NRDC: variants seen among roughly 807,000 people sequenced by gnomAD.
The protein encoded by NRDC is nardilysin.
In NRDC, 54 loss-of-function variants were observed where a neutral mutation model predicts 147.1. The ratio of observed to expected loss-of-function variants is 0.37; its 90% confidence interval spans 0.29 to 0.46. The LOEUF (loss-of-function observed/expected upper bound fraction) is 0.46. Ranked by LOEUF, NRDC falls within the 20% of genes least tolerant of loss-of-function variation. NRDC has a pLI of 1.00. For synonymous variants in NRDC, 440 were observed against 482.1 expected, an observed-to-expected ratio of 0.91 and a Z score of 1.14; for missense variants, 1,082 against 1,370.6, an observed-to-expected ratio of 0.79 and a Z score of 3.33.
At chr1:51,836,347 G>GGA in intron 2 of NRDC, 135 bp from the exon 3 acceptor site, 1 of 1,609,790 alleles carries the variant, frequency 6.2e-7, no homozygotes, top group Non-Finnish European at 8.5e-7. Context: ...AGAATCAGGA[G>GGA]GAGCAGCAAA....
chr1:51,789,623 A>G lies in NRDC; in HGVS notation c.3203T>C (p.Leu1068Pro). 1 of 1,613,988 alleles carries G rather than the reference A, an allele frequency of 6.2e-7. No individual in the cohort carries two copies. Among genetic ancestry groups the G allele is most frequent in the Non-Finnish European group, 8.5e-7 (1 of 1,179,854 alleles). ...TCTATGGGCCTTGAACCAGTTGACC[A>G]GGTCTGATTTTGAGAATGACTTCAG... ...EALKSFSKSD[L>P]VNWFKAHRGP... is the part of the protein sequence containing the mutation. The change falls in exon 30 of 31, where the codon CTG (leucine) becomes CCG (proline). Residue 1068 changes from leucine (L) to proline (P), a missense_variant. Leu to Pro is a moderately conservative substitution (Grantham distance 98). This residue lies in a region of NRDC where 187 missense variants were observed against 193.6 expected (regional missense o/e 0.97). Transcript: ENST00000352171.
intron 9 of NRDC, among the ~76,000 whole-genome samples, chr1:51,818,727 A>G (rs1680080808): frequency 6.6e-6 from 1 of 152,168 alleles, no homozygotes; most frequent in Non-Finnish European, 1.5e-5. Flanking sequence ...GGGAAAGCAA[A>G]AGAGACTGGT....
chr1:51,834,700 A>G (rs898029588), intron 3 of NRDC, among the ~76,000 whole-genome samples: 2 of 152,164 alleles, frequency 1.3e-5, no homozygotes, highest in African/African-American at 2.4e-5. Context: ...AAAAAATTTC[A>G]TCTTTAAAGA....
chr1:51,853,183 A>G (rs1180896292), intron 1 of NRDC, among the ~76,000 whole-genome samples: 1 of 151,538 alleles, frequency 6.6e-6, no homozygotes, highest in Non-Finnish European at 1.5e-5. Flanking sequence ...AAGACATGGC[A>G]CTCCAGCCTG....
chr1:51,807,907 G>A (rs1436824575), intron 17 of NRDC, among the ~76,000 whole-genome samples: 2 of 150,782 alleles, frequency 1.3e-5, no homozygotes, highest in African/African-American at 4.9e-5. Flanking sequence ...CTGGGTTCAA[G>A]TGATTCTCCT....
intron 21 of NRDC, among the ~76,000 whole-genome samples, chr1:51,799,695 C>T (rs952423213): frequency 2.0e-5 from 3 of 152,156 alleles, no homozygotes; most frequent in Non-Finnish European, 4.4e-5. Flanking sequence ...CAGAAGGATA[C>T]TTTTTTCTGA....
intron 1 of NRDC, among the ~76,000 whole-genome samples, chr1:51,864,478 TTC>T (rs752095093): frequency 2.6e-4 from 40 of 152,342 alleles, no homozygotes; most frequent in Admixed American, 1.3e-3. Flanking sequence ...GAAATTTGTT[TTC>T]TTTTTTGATA....
At chr1:51,796,241 ACT>A (rs1219506657) in intron 22 of NRDC, among the ~76,000 whole-genome samples, 1 of 145,212 alleles carries the variant, frequency 6.9e-6, no homozygotes, top group African/African-American at 2.5e-5. Context: ...TTCACTCCCA[ACT>A]CTTTTTTTTT....
chr1:51,816,518 T>G (rs990341116), intron 10 of NRDC, 129 bp from the exon 11 acceptor site: 2 of 428,208 alleles, frequency 4.7e-6, no homozygotes, highest in Non-Finnish European at 8.5e-6. Flanking sequence ...CCACTAAACA[T>G]GAAATTATAA....
intron 1 of NRDC, among the ~76,000 whole-genome samples, chr1:51,852,657 T>G (rs979912502): frequency 1.0e-4 from 11 of 105,484 alleles, no homozygotes; most frequent in Non-Finnish European, 1.6e-4. Context: ...ATTTTCTCTG[T>G]CTACTACTGG....
At chr1:51,862,232 T>C (rs892895677) in intron 1 of NRDC, 10 of 151,932 alleles carry the variant, frequency 6.6e-5, no homozygotes, top group Admixed American at 6.6e-4. Context: ...AATACATATA[T>C]ACGTATATAG....
intron 1 of NRDC, among the ~76,000 whole-genome samples, chr1:51,846,671 A>G (rs1325103045): frequency 3.3e-5 from 5 of 152,232 alleles, no homozygotes; most frequent in Non-Finnish European, 7.3e-5. Flanking sequence ...TCATAAAGGT[A>G]GTGAGAACCC....
chr1:51,816,431 T>A (rs765127855), intron 10 of NRDC, 42 bp from the exon 11 acceptor site: 3 of 1,166,896 alleles, frequency 2.6e-6, no homozygotes, highest in Non-Finnish European at 3.6e-6. Flanking sequence ...AAACAAAAGG[T>A]ATAAATACAC....
intron 1 of NRDC, among the ~76,000 whole-genome samples, chr1:51,866,801 T>TA (rs1346582228): frequency 6.6e-6 from 1 of 151,962 alleles, no homozygotes; most frequent in African/African-American, 2.4e-5. Context: ...GTATGTTTAA[T>TA]AAAAAGTATA....
In NRDC at chr1:51,823,847, C is replaced by T. The variant is rs531804196; in HGVS notation, c.1037-61G>A. 1.1e-5 allele frequency: 13 copies of T among 1,200,996 alleles called. No homozygotes were observed. In the African/African-American group the frequency reaches 1.5e-4, roughly 14 times the overall value. The allele number at this position is 1,200,996 out of a possible 1,614,324, so 74.4% of individuals were successfully genotyped here. ...AGTTAACTTTGTTAAAAGTCTTCTA[C>T]ATCATCAATGCATATTTTGCTACCA... On this transcript the variant is annotated intron_variant, in intron 6 of 30. Transcript: ENST00000352171.
chr1:51,878,396 C>T lies in NRDC; in HGVS notation c.220G>A (p.Glu74Lys). ...DLQPNGQDLG[E>K]NSRVARLGAD... Reference sequence around the variant, plus strand: ...CCTAGACGGGCAACCCGGCTGTTCTCGCCCAGATCCTGTCCATTGGGCTGC... The same window carrying T: ...CCTAGACGGGCAACCCGGCTGTTCTTGCCCAGATCCTGTCCATTGGGCTGC... The change falls in exon 1 of 31, where the codon GAG becomes AAG. Residue 74 changes from glutamate to lysine, a missense_variant. This residue lies in a region of NRDC where 260 missense variants were observed against 253.2 expected (regional missense o/e 1.03). Coordinates refer to ENST00000352171, the MANE Select transcript of NRDC (RefSeq NM_001101662.2). The T allele has an allele frequency of 6.2e-7, 1 of 1,614,190 alleles. No individual in the cohort carries two copies.
At chr1:51,841,367 G>C (rs1557923521) in intron 1 of NRDC, among the ~76,000 whole-genome samples, 1 of 152,038 alleles carries the variant, frequency 6.6e-6, no homozygotes. Context: ...GAGTGCAGTG[G>C]CACGATCTCA....
In NRDC at chr1:51,834,068, G is replaced by A; in HGVS notation, c.815C>T (p.Thr272Ile). The change falls in exon 4 of 31, where the codon ACT (threonine) becomes ATT (isoleucine). Residue 272 changes from threonine to isoleucine, a missense_variant. Thr to Ile is a moderately conservative substitution (Grantham distance 89). Transcript: ENST00000352171. ...SDNASTDCER[T>I]VFQFDVQRKY... ...CCTCTGGACATCAAACTGAAAGACA[G>A]TGCGTTCACAATCAGTTGAGGCATT... 6.2e-7 allele frequency: 1 copy of A among 1,614,054 alleles called. No individual in the cohort carries two copies. Among genetic ancestry groups the A allele is most frequent in the South Asian group, 1.1e-5 (1 of 91,084 alleles).
At chr1:51,793,325 T>C (rs1018102363) in intron 24 of NRDC, among the ~76,000 whole-genome samples, 5 of 152,242 alleles carry the variant, frequency 3.3e-5, no homozygotes, top group South Asian at 2.1e-4. Context: ...ACTGAAAATG[T>C]AGACTAGGTT....
Sources: allele counts gnomAD v4.1 joint callset (sites outside exome capture counted in the v4.1 genomes callset), GRCh38; gene constraint gnomAD v4.1.1; regional missense constraint gnomAD v4.1.1; transcripts MANE v1.5; gene names NCBI Gene and HGNC (gene_info 2026-07-23, HGNC 2026-07-21).